The following UST variants were observed in gnomAD, a reference collection of about 807,000 sequenced individuals.
The protein encoded by UST is chondroitin sulfate 2-O-sulfotransferase.
Under a neutral mutation model 45.6 loss-of-function variants are expected in UST, and 21 were observed. The observed-to-expected ratio is 0.46, with a 90% CI of 0.33 to 0.66. The LOEUF is 0.66. UST is among the 30% of genes least tolerant of loss of function. UST has a pLI of 0.02. For synonymous variants in UST, 215 were observed against 200.6 expected, an observed-to-expected ratio of 1.07 and a Z score of -0.61; for missense variants, 463 against 512.4, an observed-to-expected ratio of 0.90 and a Z score of 0.93.
Position 149,074,080 on chromosome 6 carries a change from T to A in UST, c.1185T>A (p.Asp395Glu). 6.2e-7 allele frequency: 1 copy of A among 1,614,182 alleles called. No homozygotes were observed. The highest frequency in any genetic ancestry group is 8.5e-7 in the Non-Finnish European group (1 of 1,180,022). The change falls in exon 8 of 8, where the codon GAT becomes GAA. Residue 395 changes from aspartate to glutamate, a missense_variant. Physicochemically the swap from Asp to Glu is conservative, Grantham distance 45. Transcript: ENST00000367463. ...TEEPIDDEEQ[D>E]DEKWLEDIYK... The stretch of plus-strand genomic sequence containing the variant: ...AGCCAATCGACGATGAAGAACAGGA[T>A]GATGAAAAGTGGCTGGAAGATATTT...
intron 1 of UST, among the ~76,000 whole-genome samples, chr6:148,853,050 T>C (rs140684555): frequency 1.1e-3 from 175 of 152,290 alleles, no homozygotes; most frequent in African/African-American, 4.0e-3. Context: ...GCTGCACCTA[T>C]CAACCCATCA....
At chr6:149,019,074 G>T (rs1775944438) in intron 5 of UST, 65 bp from the exon 6 acceptor site, 7 of 1,170,774 alleles carry the variant, frequency 6.0e-6, no homozygotes, top group Non-Finnish European at 9.0e-6. Flanking sequence ...TACTTAAACT[G>T]TGTGGCATTT....
At position 149,043,014 on chromosome 6, in the gene UST, T is replaced by TCTTTCTTG. The variant is rs1562337783; in HGVS notation, c.937+21540_937+21541insGCTTTCTT. ...TTCTTTCTTTCTTTCTTTCTTTCTT[T>TCTTTCTTG]CTTTCTTTTTCTTTCTTTCTTTCTT... On this transcript the variant is annotated intron_variant, in intron 7 of 7. Transcript: ENST00000367463. Among the ~76,000 whole-genome samples the TCTTTCTTG allele has an allele frequency of 1.6e-3, 119 of 76,114 alleles. 2 individuals are homozygous for TCTTTCTTG. The highest frequency in any genetic ancestry group is 2.6e-3 in the Non-Finnish European group (91 of 34,512). The allele number at this position is 76,114 out of a possible 152,430, so 49.9% of individuals were successfully genotyped here.
In UST at chr6:149,054,532, T is replaced by C. The variant is rs1486556967; in HGVS notation, c.938-19301T>C. On this transcript the variant is annotated intron_variant, in intron 7 of 7. Transcript: ENST00000367463. ...GGAGTTGGGGGACACCGATGCTTAA[T>C]GGGAAAACTAATGACTTTATACAGA... 3.9e-5 allele frequency among the ~76,000 whole-genome samples: 6 copies of C among 152,150 alleles called. No individual in the cohort carries two copies. The East Asian group carries it at 9.6e-4, about 24-fold the overall frequency.
chr6:148,773,875 A>AAT (rs1399069074), intron 1 of UST, among the ~76,000 whole-genome samples: 1 of 152,156 alleles, frequency 6.6e-6, no homozygotes, highest in Admixed American at 6.5e-5. Flanking sequence ...CAAATTGCCA[A>AAT]ATGTCTGCTG....
At chr6:149,018,324 A>C (rs1775935324) in intron 5 of UST, among the ~76,000 whole-genome samples, 1 of 152,174 alleles carries the variant, frequency 6.6e-6, no homozygotes, top group Non-Finnish European at 1.5e-5. Context: ...GTCCAGTCTT[A>C]ATCTGCCTTG....
At chr6:148,764,810 G>A (rs774782459) in intron 1 of UST, among the ~76,000 whole-genome samples, 4 of 152,168 alleles carry the variant, frequency 2.6e-5, no homozygotes, top group Non-Finnish European at 4.4e-5. Context: ...GAACTTCCAT[G>A]TCCTGCTGTG....
intron 7 of UST, 25 bp from the exon 8 acceptor site, chr6:149,073,808 A>C: frequency 5.0e-6 from 8 of 1,605,638 alleles, no homozygotes; most frequent in Non-Finnish European, 6.8e-6. Context: ...ATGATGGCTC[A>C]TGTGCGACCC....
chr6:148,964,657 T>G, intron 5 of UST, 94 bp downstream of exon 5: 8 of 1,515,550 alleles, frequency 5.3e-6, no homozygotes, highest in South Asian at 1.3e-5. Flanking sequence ...CCAGGCCTTC[T>G]CCTTGGCGCC....
At chr6:148,999,452 A>T (rs1176801414) in intron 5 of UST, among the ~76,000 whole-genome samples, 2 of 152,278 alleles carry the variant, frequency 1.3e-5, no homozygotes, top group Non-Finnish European at 2.9e-5. Flanking sequence ...AACAAAGATT[A>T]TAACTTTTTA....
chr6:148,903,770 C>T (rs1331461146), intron 2 of UST, among the ~76,000 whole-genome samples: 1 of 152,226 alleles, frequency 6.6e-6, no homozygotes, highest in African/African-American at 2.4e-5. Flanking sequence ...TACTGAACCA[C>T]AGGACTATCT....
intron 5 of UST, among the ~76,000 whole-genome samples, chr6:149,018,618 T>C (rs1345666099): frequency 6.6e-6 from 1 of 152,176 alleles, no homozygotes; most frequent in Non-Finnish European, 1.5e-5. Context: ...TGTCTGTATA[T>C]AAACATCCTG....
rs143309143 is a variant in UST, at chr6:148,858,587, C to T, written c.248-28399C>T. On this transcript the variant is annotated intron_variant, in intron 1 of 7. Coordinates refer to ENST00000367463, the MANE Select transcript of UST (RefSeq NM_005715.3). ...TATGTATTCATGTGCTATATTGGTG[C>T]GCTGCACCCATTAACTCGTCATTTA... Among the ~76,000 whole-genome samples, 778 of 151,582 alleles carry T rather than the reference C, an allele frequency of 5.1e-3. 16 individuals carry two copies. Among genetic ancestry groups the T allele is most frequent in the African/African-American group, 0.018 (739 of 41,300 alleles).
intron 1 of UST, among the ~76,000 whole-genome samples, chr6:148,862,769 C>A (rs1778344557): frequency 6.6e-6 from 1 of 152,120 alleles, no homozygotes; most frequent in African/African-American, 2.4e-5. Context: ...CTTAGTTTGG[C>A]TGGATGTGAA....
intron 1 of UST, among the ~76,000 whole-genome samples, chr6:148,812,971 C>T (rs1404732844): frequency 6.6e-6 from 1 of 152,052 alleles, no homozygotes; most frequent in Non-Finnish European, 1.5e-5. Context: ...TTAGCATATC[C>T]CCCAATGCAG....
intron 1 of UST, among the ~76,000 whole-genome samples, chr6:148,860,769 A>G (rs1349811152): frequency 1.3e-5 from 2 of 152,128 alleles, no homozygotes; most frequent in Non-Finnish European, 2.9e-5. Context: ...GGTTTTTGTC[A>G]TTGGTTCTGT....
rs374068714 is a variant in UST at position 149,074,084 on chromosome 6, G to A, written c.1189G>A (p.Glu397Lys). 30 of 1,614,218 alleles carry A rather than the reference G, an allele frequency of 1.9e-5. No homozygotes were observed. The highest frequency in any genetic ancestry group is 2.5e-5 in the Non-Finnish European group (29 of 1,180,028). The change falls in exon 8 of 8, where the codon GAA (glutamate) becomes AAA (lysine). Residue 397 changes from glutamate to lysine, a missense_variant. Physicochemically the swap from Glu to Lys is moderately conservative, Grantham distance 56. Coordinates refer to ENST00000367463, the MANE Select transcript of UST (RefSeq NM_005715.3). ...AATCGACGATGAAGAACAGGATGATGAAAAGTGGCTGGAAGATATTTATAA... is the reference window on the plus strand; with the variant it reads ...AATCGACGATGAAGAACAGGATGATAAAAAGTGGCTGGAAGATATTTATAA... ...EPIDDEEQDD[E>K]KWLEDIYKR
At chr6:149,025,353 T>C (rs1359517274) in intron 7 of UST, among the ~76,000 whole-genome samples, 3 of 152,226 alleles carry the variant, frequency 2.0e-5, no homozygotes, top group African/African-American at 7.2e-5. Context: ...ATTTGCATTT[T>C]ATGGAGACAG....
intron 5 of UST, among the ~76,000 whole-genome samples, chr6:149,004,028 C>T (rs999058206): frequency 1.3e-5 from 2 of 152,038 alleles, no homozygotes; most frequent in Admixed American, 6.5e-5. Flanking sequence ...GCAAATGATG[C>T]CATGTTTTTT....
Sources: allele counts gnomAD v4.1 joint callset (sites outside exome capture counted in the v4.1 genomes callset), GRCh38; gene constraint gnomAD v4.1.1; transcripts MANE v1.5; gene names NCBI Gene and HGNC (gene_info 2026-07-23, HGNC 2026-07-21).